The following GPC5 variants were observed in gnomAD, a reference collection of about 807,000 sequenced individuals.
The protein encoded by GPC5 is glypican 5.
In GPC5, 47 loss-of-function variants were observed where a neutral mutation model predicts 53.9. That is an observed-to-expected ratio of 0.87 (90% CI 0.69 to 1.11). The LOEUF (loss-of-function observed/expected upper bound fraction) is 1.11. Ranked by LOEUF, GPC5 falls within the 50% of genes most tolerant of loss-of-function variation. The pLI, the probability that GPC5 is intolerant of heterozygous loss-of-function variation, is 0.00. For missense variants in GPC5, 748 were observed against 713.1 expected (o/e 1.05, Z -0.56); for synonymous variants, 286 against 263.3 (o/e 1.09, Z -0.84).
chr13:91,717,988 A>T (rs1007204935), intron 3 of GPC5, among the ~76,000 whole-genome samples: 32 of 152,316 alleles, frequency 2.1e-4, no homozygotes, highest in African/African-American at 5.1e-4. Flanking sequence ...TATTATTTTT[A>T]AAAAATTGCT....
chr13:92,383,154 C>T (rs2043764518), intron 7 of GPC5, among the ~76,000 whole-genome samples: 1 of 152,148 alleles, frequency 6.6e-6, no homozygotes. Flanking sequence ...ACATCCTCTT[C>T]ATCTGTCATT....
At chr13:92,522,006 G>T (rs1881071627) in intron 7 of GPC5, among the ~76,000 whole-genome samples, 1 of 152,104 alleles carries the variant, frequency 6.6e-6, no homozygotes, top group Non-Finnish European at 1.5e-5. Flanking sequence ...ACATTTATGT[G>T]GCCAACAGAC....
At chr13:92,829,047 G>A (rs78738862) in intron 7 of GPC5, among the ~76,000 whole-genome samples, 25 of 152,168 alleles carry the variant, frequency 1.6e-4, no homozygotes, top group African/African-American at 4.8e-4. Flanking sequence ...CTCCCGAGAC[G>A]TTTACTATGC....
chr13:92,055,869 T>A (rs2041070206), intron 6 of GPC5, among the ~76,000 whole-genome samples: 1 of 152,204 alleles, frequency 6.6e-6, no homozygotes, highest in Admixed American at 6.5e-5. Context: ...CTTCAATCAA[T>A]ATTATTACTT....
At chr13:92,092,311 G>A (rs2041387575) in intron 6 of GPC5, among the ~76,000 whole-genome samples, 1 of 152,108 alleles carries the variant, frequency 6.6e-6, no homozygotes, top group African/African-American at 2.4e-5. Flanking sequence ...TAAATCATGA[G>A]TTATTTTCTA....
chr13:92,114,109 A>AAT (rs1308689572), intron 6 of GPC5, among the ~76,000 whole-genome samples: 1 of 152,180 alleles, frequency 6.6e-6, no homozygotes, highest in Non-Finnish European at 1.5e-5. Context: ...AATGTTTCCA[A>AAT]ATATAATGGT....
chr13:92,306,110 G>T (rs910640430), intron 7 of GPC5, among the ~76,000 whole-genome samples: 1 of 152,188 alleles, frequency 6.6e-6, no homozygotes, highest in African/African-American at 2.4e-5. Context: ...TTGGGAAGTA[G>T]ATTGTAAGAT....
At chr13:91,533,379 A>G (rs1470824660) in intron 2 of GPC5, among the ~76,000 whole-genome samples, 1 of 152,072 alleles carries the variant, frequency 6.6e-6, no homozygotes, top group Non-Finnish European at 1.5e-5. Context: ...CTATTTTTTT[A>G]TTTTCTCTAT....
At chr13:91,709,070 A>T (rs557131638) in intron 3 of GPC5, among the ~76,000 whole-genome samples, 1 of 152,330 alleles carries the variant, frequency 6.6e-6, no homozygotes, top group South Asian at 2.1e-4. Context: ...AATCTCAAAC[A>T]TTCATTCGAA....
intron 7 of GPC5, among the ~76,000 whole-genome samples, chr13:92,540,442 G>A (rs969041676): frequency 3.3e-5 from 5 of 151,882 alleles, no homozygotes; most frequent in African/African-American, 9.7e-5. Flanking sequence ...AAATATTAGC[G>A]TTTGGTGATA....
chr13:92,408,722 C>T (rs1017433590), intron 7 of GPC5, among the ~76,000 whole-genome samples: 2 of 151,366 alleles, frequency 1.3e-5, no homozygotes, highest in Admixed American at 6.6e-5. Flanking sequence ...CAGTGTGATA[C>T]CAATCAACAG....
chr13:91,459,392 T>A (rs972926684), intron 2 of GPC5, among the ~76,000 whole-genome samples: 3 of 152,008 alleles, frequency 2.0e-5, no homozygotes, highest in Non-Finnish European at 2.9e-5. Context: ...GTGACTTGGG[T>A]GTTTGCAGTG....
chr13:92,547,924 G>A (rs543384415), intron 7 of GPC5, among the ~76,000 whole-genome samples: 1 of 144,102 alleles, frequency 6.9e-6, no homozygotes, highest in African/African-American at 2.6e-5. Flanking sequence ...CCGCCTCCCG[G>A]GTTCACACCA....
intron 7 of GPC5, among the ~76,000 whole-genome samples, chr13:92,200,835 C>A (rs1040977887): frequency 6.6e-6 from 1 of 152,166 alleles, no homozygotes; most frequent in Non-Finnish European, 1.5e-5. Context: ...GTTAGCTTCA[C>A]GGGAAAAGAT....
chr13:91,987,443 A>G (rs1178734220), intron 6 of GPC5, among the ~76,000 whole-genome samples: 1 of 152,206 alleles, frequency 6.6e-6, no homozygotes, highest in African/African-American at 2.4e-5. Flanking sequence ...CTGATTGGAC[A>G]ACGTTCCCAT....
At chr13:91,941,247 C>T (rs112274876) in intron 6 of GPC5, among the ~76,000 whole-genome samples, 3,226 of 151,960 alleles carry the variant, frequency 0.021, 104 homozygotes, top group African/African-American at 0.074. Context: ...TTTTGGTTAC[C>T]GTAGCCTTAT....
At chr13:92,290,456 C>A (rs1215600608) in intron 7 of GPC5, among the ~76,000 whole-genome samples, 1 of 152,036 alleles carries the variant, frequency 6.6e-6, no homozygotes, top group Non-Finnish European at 1.5e-5. Context: ...TGCACTGCAC[C>A]CTATTTGTAG....
intron 7 of GPC5, among the ~76,000 whole-genome samples, chr13:92,536,501 A>T (rs1174516829): frequency 6.6e-6 from 1 of 152,162 alleles, no homozygotes; most frequent in Non-Finnish European, 1.5e-5. Context: ...CTGGTAATTT[A>T]TACAGGTGGC....
intron 6 of GPC5, among the ~76,000 whole-genome samples, chr13:91,952,440 T>C (rs2040035703): frequency 6.6e-6 from 1 of 152,152 alleles, no homozygotes; most frequent in East Asian, 1.9e-4. Flanking sequence ...GCTTTGCATA[T>C]CAAATCAAAA....
Sources: allele counts gnomAD v4.1 joint callset (sites outside exome capture counted in the v4.1 genomes callset), GRCh38; gene constraint gnomAD v4.1.1; transcripts MANE v1.5; gene names NCBI Gene and HGNC (gene_info 2026-07-23, HGNC 2026-07-21).